SLIT3: variants seen among roughly 807,000 people sequenced by gnomAD.
SLIT3 encodes slit homolog 3 protein.
Under a neutral mutation model 184.0 loss-of-function variants are expected in SLIT3, and 68 were observed. That is an observed-to-expected ratio of 0.37 (90% CI 0.30 to 0.45). SLIT3 has a LOEUF of 0.45. Ranked by LOEUF, SLIT3 falls within the 20% of genes least tolerant of loss-of-function variation. The pLI, the probability that SLIT3 is intolerant of heterozygous loss-of-function variation, is 1.00. For missense variants in SLIT3, 1,707 were observed against 2,026.0 expected (o/e 0.84, Z 3.02); for synonymous variants, 831 against 828.6 (o/e 1.00, Z -0.05).
chr5:169,043,508 A>C (rs1757519339), intron 4 of SLIT3, among the ~76,000 whole-genome samples: 1 of 152,226 alleles, frequency 6.6e-6, no homozygotes, highest in African/African-American at 2.4e-5. Flanking sequence ...ATGCATGAAA[A>C]TACTTTGTTC....
chr5:169,165,480 T>C (rs906305668), intron 4 of SLIT3, among the ~76,000 whole-genome samples: 21 of 152,258 alleles, frequency 1.4e-4, no homozygotes, highest in Non-Finnish European at 2.5e-4. Flanking sequence ...ATTGAGCACA[T>C]ACTATGCATC....
chr5:168,965,312 C>T (rs1763147678), intron 4 of SLIT3, among the ~76,000 whole-genome samples: 1 of 152,182 alleles, frequency 6.6e-6, no homozygotes, highest in Admixed American at 6.5e-5. Context: ...CGACTTTGCT[C>T]ACTTCAACAA....
chr5:168,890,064 C>T (rs113109670), intron 4 of SLIT3, among the ~76,000 whole-genome samples: 154 of 149,068 alleles, frequency 1.0e-3, no homozygotes, highest in Non-Finnish European at 1.9e-3. Flanking sequence ...GGCTTGAACC[C>T]GGGAGCGGGA....
In SLIT3 at chr5:169,204,655, C is replaced by T. The variant is rs297859; in HGVS notation, c.342-11105G>A. Among the ~76,000 whole-genome samples the T allele has an allele frequency of 2.0e-5, 3 of 152,206 alleles. No homozygotes were observed. In the East Asian group the frequency reaches 5.8e-4, roughly 29 times the overall value. ...GCCAGAGACGGGTCACCTGTGGCAA[C>T]AGCGGGAAGGCAGAAGTCAGGGGAC... On this transcript the variant is annotated intron_variant, in intron 3 of 35. Transcript: ENST00000519560.
intron 4 of SLIT3, among the ~76,000 whole-genome samples, chr5:169,131,422 A>G (rs1389205361): frequency 6.6e-6 from 1 of 152,230 alleles, no homozygotes; most frequent in Non-Finnish European, 1.5e-5. Context: ...TCTAACAAGT[A>G]CTGCCGGTTA....
intron 3 of SLIT3, among the ~76,000 whole-genome samples, chr5:169,210,910 A>C (rs982891554): frequency 6.6e-6 from 1 of 152,186 alleles, no homozygotes; most frequent in Non-Finnish European, 1.5e-5. Context: ...TGTTCCATTG[A>C]TGTTGGGTGT....
rs34333315 is a variant in SLIT3 at position 168,945,246 on chromosome 5, A to AT, written c.414-61911dup. ...CAAAAGCTTCGTGATTGGTATCCAC[A>AT]TTTTTTTTTTTTTGAGACAAAGTCT... On this transcript the variant is annotated intron_variant, in intron 4 of 35. Coordinates refer to ENST00000519560, the MANE Select transcript of SLIT3 (RefSeq NM_003062.4). Among the ~76,000 whole-genome samples the AT allele has an allele frequency of 8.6e-3, 1,276 of 147,886 alleles. 8 individuals carry two copies. The highest frequency in any genetic ancestry group is 0.021 in the African/African-American group (854 of 40,368).
chr5:168,833,853 C>G (rs960443764), intron 6 of SLIT3, among the ~76,000 whole-genome samples: 1 of 152,114 alleles, frequency 6.6e-6, no homozygotes, highest in East Asian at 1.9e-4. Flanking sequence ...GTGGTGGAAC[C>G]AGCTGACCTC....
At chr5:168,738,667 G>A (rs1391119233) in intron 20 of SLIT3, among the ~76,000 whole-genome samples, 5 of 152,182 alleles carry the variant, frequency 3.3e-5, no homozygotes, top group South Asian at 2.1e-4. Context: ...GGCTGGGCAC[G>A]GTGGCTCATG....
intron 4 of SLIT3, among the ~76,000 whole-genome samples, chr5:168,945,534 C>A (rs1562020416): frequency 6.6e-6 from 1 of 152,222 alleles, no homozygotes. Context: ...CCACGCCCGG[C>A]CCAGTATCCG....
chr5:169,126,077 A>G (rs1761068689), intron 4 of SLIT3, among the ~76,000 whole-genome samples: 2 of 152,190 alleles, frequency 1.3e-5, no homozygotes, highest in South Asian at 4.1e-4. Flanking sequence ...GAATTATTGC[A>G]AGAGATGCTA....
intron 4 of SLIT3, among the ~76,000 whole-genome samples, chr5:169,006,105 A>C (rs1477971016): frequency 2.6e-5 from 4 of 152,160 alleles, no homozygotes. Context: ...GGGGACACAG[A>C]CAAGAAAAAA....
At chr5:169,113,871 G>T (rs1760542220) in intron 4 of SLIT3, among the ~76,000 whole-genome samples, 1 of 152,022 alleles carries the variant, frequency 6.6e-6, no homozygotes, top group East Asian at 1.9e-4. Context: ...GGCCAGGATG[G>T]TCTCAATCTG....
At chr5:168,771,801 T>A (rs1385142819) in intron 14 of SLIT3, among the ~76,000 whole-genome samples, 1 of 152,216 alleles carries the variant, frequency 6.6e-6, no homozygotes, top group African/African-American at 2.4e-5. Context: ...AGCACAAGTC[T>A]GCCTGGGAGT....
rs199941315 is a variant in SLIT3 at position 169,214,573 on chromosome 5, ATGG to A, written c.342-21026_342-21024del. Among the ~76,000 whole-genome samples, 167 of 152,228 alleles carry A rather than the reference ATGG, an allele frequency of 1.1e-3. 1 individual carries two copies. In the East Asian group the frequency reaches 0.024, roughly 22 times the overall value. ...GTGTGTGAAAAGGTGGGTAGAGGGG[ATGG>A]TGGTGGTGGAAGTGGGTGGAGTTCT... On this transcript the variant is annotated intron_variant, in intron 3 of 35. Transcript: ENST00000519560.
chr5:168,760,728 C>T (rs1023372989), intron 16 of SLIT3, 134 bp downstream of exon 16: 13 of 663,994 alleles, frequency 2.0e-5, no homozygotes, highest in Middle Eastern at 7.3e-4. Flanking sequence ...GAGGCCACAG[C>T]GGGGCTGAGG....
intron 4 of SLIT3, among the ~76,000 whole-genome samples, chr5:169,151,809 G>A (rs1034503441): frequency 2.4e-4 from 37 of 152,326 alleles, no homozygotes; most frequent in African/African-American, 8.9e-4. Flanking sequence ...GATAGAGAAA[G>A]AGGCAGAAGA....
intron 4 of SLIT3, among the ~76,000 whole-genome samples, chr5:168,958,277 C>T (rs1365296618): frequency 6.6e-6 from 1 of 152,186 alleles, no homozygotes; most frequent in Non-Finnish European, 1.5e-5. Flanking sequence ...CCTCATTATA[C>T]ATGCACATCA....
chr5:169,006,193 T>C (rs12152719), intron 4 of SLIT3, among the ~76,000 whole-genome samples: 5,549 of 152,332 alleles, frequency 0.036, 127 homozygotes, highest in Middle Eastern at 0.065. Context: ...GCAGCGTAAC[T>C]ACCAACCAGC....
Sources: gnomAD v4.1 joint callset for allele counts (sites outside exome capture counted in the v4.1 genomes callset) on GRCh38, gnomAD v4.1.1 for gene constraint, MANE v1.5 for transcripts, NCBI Gene and HGNC (gene_info 2026-07-23, HGNC 2026-07-21) for gene names.